The following BIVM variants were observed in gnomAD, a reference collection of about 807,000 sequenced individuals.
BIVM encodes basic, immunoglobulin-like variable motif containing, also known as basic immunoglobulin-like variable motif-containing protein.
BIVM carries 31 observed loss-of-function variants against 61.4 expected under a neutral mutation model. The observed-to-expected ratio is 0.51, with a 90% CI of 0.38 to 0.68. The LOEUF (loss-of-function observed/expected upper bound fraction) is 0.68, where lower values mean the gene tolerates loss of function less well. Ranked by LOEUF, BIVM falls within the 30% of genes least tolerant of loss-of-function variation. The pLI is 0.00. For missense variants in BIVM, 526 were observed against 596.0 expected (o/e 0.88, Z 1.22); for synonymous variants, 189 against 210.7 (o/e 0.90, Z 0.89).
At chr13:102,816,402 G>T in intron 3 of BIVM, 26 bp from the exon 4 acceptor site, 3 of 1,517,180 alleles carry the variant, frequency 2.0e-6, no homozygotes, top group Non-Finnish European at 2.6e-6. Context: ...TAAGCATTTT[G>T]CTTATTTTAT....
At chr13:102,827,276 T>G (rs993017794) in intron 7 of BIVM, among the ~76,000 whole-genome samples, 1 of 28,154 alleles carries the variant, frequency 3.6e-5, no homozygotes, top group Non-Finnish European at 5.5e-5. Context: ...TCCCAATGAC[T>G]TTTTTTTTTT....
chr13:102,834,465 G>T lies in BIVM; in HGVS notation c.1035-1G>T, dbSNP rs775488728. 1 of 1,593,884 alleles carries T rather than the reference G, an allele frequency of 6.3e-7. No homozygotes were observed. Among genetic ancestry groups the T allele is most frequent in the South Asian group, 1.1e-5 (1 of 86,962 alleles). On this transcript the variant is annotated splice_acceptor_variant, in intron 8 of 10. Coordinates refer to ENST00000257336, the MANE Select transcript of BIVM (RefSeq NM_017693.4). LOFTEE classifies it high-confidence loss of function. ...GTACTGTGAATGTATTTTATATTTAGCAGGGGACCTCTCTCACCACAGGAA... is the reference window on the plus strand; with the variant it reads ...GTACTGTGAATGTATTTTATATTTATCAGGGGACCTCTCTCACCACAGGAA...
chr13:102,828,125 T>C (rs1181021735), intron 7 of BIVM, among the ~76,000 whole-genome samples: 1 of 152,230 alleles, frequency 6.6e-6, no homozygotes, highest in Non-Finnish European at 1.5e-5. Flanking sequence ...TTAGTAACTG[T>C]AAACTAAGCA....
At chr13:102,829,187 G>A (rs1355231273) in intron 7 of BIVM, among the ~76,000 whole-genome samples, 1 of 152,098 alleles carries the variant, frequency 6.6e-6, no homozygotes, top group Non-Finnish European at 1.5e-5. Flanking sequence ...GATGATCAGG[G>A]TCTACAGGAC....
intron 8 of BIVM, among the ~76,000 whole-genome samples, chr13:102,832,328 C>A (rs535022759): frequency 1.3e-5 from 2 of 151,968 alleles, no homozygotes; most frequent in African/African-American, 4.8e-5. Flanking sequence ...GTGGCTAGAA[C>A]TACAGGCATG....
At chr13:102,805,740 A>G (rs930589896) in intron 2 of BIVM, among the ~76,000 whole-genome samples, 1 of 152,192 alleles carries the variant, frequency 6.6e-6, no homozygotes, top group African/African-American at 2.4e-5. Context: ...CATGTTATAT[A>G]AATAGAATAA....
At chr13:102,812,425 T>TTTG (rs1046841019) in intron 3 of BIVM, among the ~76,000 whole-genome samples, 9 of 152,104 alleles carry the variant, frequency 5.9e-5, no homozygotes, top group South Asian at 2.1e-4. Flanking sequence ...CTTGTGATTT[T>TTTG]TTGTTGTTGT....
chr13:102,831,836 T>C (rs1566455098), intron 8 of BIVM, 139 bp downstream of exon 8: 1 of 708,484 alleles, frequency 1.4e-6, no homozygotes, highest in Non-Finnish European at 2.0e-6. Flanking sequence ...GAGACCATCC[T>C]GGCTAACACG....
At chr13:102,818,903 C>T (rs1182905369) in intron 4 of BIVM, among the ~76,000 whole-genome samples, 1 of 152,086 alleles carries the variant, frequency 6.6e-6, no homozygotes, top group African/African-American at 2.4e-5. Context: ...TATATACATG[C>T]ATGCAATACT....
intron 3 of BIVM, among the ~76,000 whole-genome samples, chr13:102,809,285 T>A (rs373504707): frequency 1.3e-5 from 2 of 152,266 alleles, no homozygotes; most frequent in Admixed American, 1.3e-4. Flanking sequence ...ATTACTTAGA[T>A]GTATGCTGTT....
chr13:102,822,182 TACATACAC>T, intron 7 of BIVM, 23 bp downstream of exon 7: 2 of 1,604,542 alleles, frequency 1.2e-6, no homozygotes, highest in East Asian at 2.2e-5. Flanking sequence ...ATAGAAGATT[TACATACAC>T]ACATACACAC....
chr13:102,825,840 G>A (rs1177434229), intron 7 of BIVM, among the ~76,000 whole-genome samples: 1 of 152,122 alleles, frequency 6.6e-6, no homozygotes, highest in Non-Finnish European at 1.5e-5. Flanking sequence ...TGCCAGGCAG[G>A]ATTCAATCCC....
chr13:102,800,957 G>A (rs1035077156), intron 1 of BIVM, among the ~76,000 whole-genome samples: 10 of 152,310 alleles, frequency 6.6e-5, no homozygotes, highest in African/African-American at 2.4e-4. Flanking sequence ...GGTTTTTAGA[G>A]ATGTTTGGTT....
At chr13:102,830,683 G>A (rs1881002094) in intron 7 of BIVM, among the ~76,000 whole-genome samples, 1 of 152,150 alleles carries the variant, frequency 6.6e-6, no homozygotes, top group African/African-American at 2.4e-5. Flanking sequence ...AGTGTGTGTA[G>A]AAAAATCTGG....
chr13:102,834,080 A>G (rs1566456138), intron 8 of BIVM, among the ~76,000 whole-genome samples: 1 of 151,728 alleles, frequency 6.6e-6, no homozygotes, highest in African/African-American at 2.4e-5. Context: ...TTAGGACATC[A>G]GTGTGTTTAA....
chr13:102,821,937 C>T (rs1201731540), intron 6 of BIVM, 90 bp downstream of exon 6: 19 of 1,535,656 alleles, frequency 1.2e-5, no homozygotes, highest in Admixed American at 1.8e-5. Flanking sequence ...ACCATGTATC[C>T]AGCTGCTGGG....
chr13:102,814,235 G>A (rs1304468134), intron 3 of BIVM, among the ~76,000 whole-genome samples: 5 of 152,166 alleles, frequency 3.3e-5, no homozygotes, highest in African/African-American at 1.2e-4. Context: ...GGCAGAAGGT[G>A]CAGGTGTTGC....
chr13:102,833,567 ACCATG>A (rs1881270257), intron 8 of BIVM, among the ~76,000 whole-genome samples: 1 of 151,842 alleles, frequency 6.6e-6, no homozygotes, highest in Non-Finnish European at 1.5e-5. Flanking sequence ...CAGTGATCTG[ACCATG>A]TCAGTCTCCC....
chr13:102,836,856 A>G (rs962029301), intron 9 of BIVM, among the ~76,000 whole-genome samples: 1 of 152,248 alleles, frequency 6.6e-6, no homozygotes, highest in Admixed American at 6.5e-5. Context: ...GAAATTAGAT[A>G]GCACGAATTC....
Sources: allele counts gnomAD v4.1 joint callset (sites outside exome capture counted in the v4.1 genomes callset), GRCh38; gene constraint gnomAD v4.1.1; transcripts MANE v1.5; gene names NCBI Gene and HGNC (gene_info 2026-07-23, HGNC 2026-07-21).